The following ZNF536 variants were observed in gnomAD, a reference collection of about 807,000 sequenced individuals.
ZNF536 encodes the protein zinc finger protein 536.
In ZNF536, 13 loss-of-function variants were observed where a neutral mutation model predicts 84.5. The ratio of observed to expected loss-of-function variants is 0.15; its 90% CI spans 0.10 to 0.24. The LOEUF is 0.24. ZNF536 is among the 10% of genes least tolerant of loss of function. The pLI, the probability that ZNF536 is intolerant of heterozygous loss-of-function variation, is 1.00. For missense variants in ZNF536, 1,536 were observed against 1,747.5 expected (o/e 0.88, Z 2.16); for synonymous variants, 811 against 742.5 (o/e 1.09, Z -1.50).
intron 2 of ZNF536, among the ~76,000 whole-genome samples, chr19:30,499,797 C>A (rs1352433495): frequency 2.0e-5 from 3 of 152,334 alleles, no homozygotes; most frequent in African/African-American, 7.2e-5. Flanking sequence ...GACTCATATT[C>A]CTCTTAGCCT....
At position 30,403,906 on chromosome 19, in the gene ZNF536, C is replaced by T. The variant is rs745996306; in HGVS notation, c.-3+31350C>T. On this transcript the variant is annotated intron_variant, in intron 1 of 4. Coordinates refer to ENST00000355537, the MANE Select transcript of ZNF536 (RefSeq NM_014717.3). ...CTCTCAGTGAACATCTGGTGATGAC[C>T]GTAAATGTAATCTCCACTTGGCCGA... Among the ~76,000 whole-genome samples the T allele has an allele frequency of 6.6e-4, 101 of 151,984 alleles. 1 individual carries two copies. The highest frequency in any genetic ancestry group is 5.7e-4 in the Non-Finnish European group (39 of 68,020).
intron 1 of ZNF536, among the ~76,000 whole-genome samples, chr19:30,394,245 T>C (rs112840228): frequency 0.014 from 2,058 of 152,256 alleles, 47 homozygotes; most frequent in African/African-American, 0.047. Flanking sequence ...ATAGAATTGC[T>C]GAAATTTTCT....
In ZNF536 at chr19:30,549,509, T is replaced by C. The variant is rs768745107; in HGVS notation, c.3890T>C (p.Leu1297Ser). 1 of 1,508,144 alleles carries C rather than the reference T, an allele frequency of 6.6e-7. No individual in the cohort carries two copies. The highest frequency in any genetic ancestry group is 2.3e-5 in the Admixed American group (1 of 42,912). The allele number at this position is 1,508,144 out of a possible 1,614,324, so 93.4% of individuals were successfully genotyped here. The change falls in exon 4 of 5, where the codon TTG becomes TCG. Residue 1297 changes from leucine to serine, a missense_variant. Leu to Ser is a moderately radical substitution (Grantham distance 145). This residue lies in a region of ZNF536 where 624 missense variants were observed against 603.1 expected (regional missense o/e 1.03). Transcript: ENST00000355537. Reference sequence around the variant, plus strand: ...TCTGGATGTATCAAGAGGCCAGACTTGTGTGGTAAGTTTTAGAATCCTCTT... The same window carrying C: ...TCTGGATGTATCAAGAGGCCAGACTCGTGTGGTAAGTTTTAGAATCCTCTT... Reference protein sequence around the residue: ...ANSGCIKRPDLCGK With the variant: ...ANSGCIKRPDSCGK
At chr19:30,404,732 GGC>G (rs1568396863) in intron 1 of ZNF536, among the ~76,000 whole-genome samples, 11 of 151,810 alleles carry the variant, frequency 7.2e-5, no homozygotes, top group African/African-American at 2.2e-4. Context: ...AATGTCCGGA[GGC>G]GGGGGGGCTC....
Position 30,548,090 on chromosome 19 carries a change from A to C in ZNF536, c.2471A>C (p.Glu824Ala), listed in dbSNP as rs2146181833. The C allele has an allele frequency of 6.2e-7, 1 of 1,614,144 alleles. No homozygotes were observed. Among genetic ancestry groups the C allele is most frequent in the Non-Finnish European group, 8.5e-7 (1 of 1,180,006 alleles). The change falls in exon 4 of 5, where the codon GAG (glutamate) becomes GCG (alanine). Residue 824 changes from glutamate to alanine, a missense_variant. Around this residue, in one of 8 missense-constraint regions of ZNF536, gnomAD observed 624 missense variants for 603.1 expected, o/e 1.03. Coordinates refer to ENST00000355537, the MANE Select transcript of ZNF536 (RefSeq NM_014717.3). Reference sequence around the variant, plus strand: ...CCCCCAAATCAAGACCACAAGGATGAGATGTCAAGCAAAGCTTCTCTGTTC... The same window carrying C: ...CCCCCAAATCAAGACCACAAGGATGCGATGTCAAGCAAAGCTTCTCTGTTC... Reference protein sequence around the residue: ...GQPPNQDHKDEMSSKASLFIR... With the variant: ...GQPPNQDHKDAMSSKASLFIR...
At chr19:30,352,384 C>T (rs2047959538) in exon 3 of ZNF536, 2 of 152,360 alleles carry the variant, frequency 1.3e-5, no homozygotes, top group Non-Finnish European at 2.9e-5. Flanking sequence ...GGGACGCCCC[C>T]TCTTGCAATC....
intron 1 of ZNF536, among the ~76,000 whole-genome samples, chr19:30,259,379 C>A (rs1311161797): frequency 6.6e-6 from 1 of 152,194 alleles, no homozygotes; most frequent in Non-Finnish European, 1.5e-5. Flanking sequence ...GCAGCGGGTC[C>A]TGAGATGAAC....
Position 30,444,487 on chromosome 19 carries a change from G to T in ZNF536, c.925G>T (p.Ala309Ser), listed in dbSNP as rs2148185743. ...PYKCTLCDFA[A>S]SQEEELISHV... Reference sequence around the variant, plus strand: ...CAAGTGCACGTTGTGCGACTTCGCGGCTTCGCAGGAGGAGGAGCTCATCAG... The same window carrying T: ...CAAGTGCACGTTGTGCGACTTCGCGTCTTCGCAGGAGGAGGAGCTCATCAG... The change falls in exon 2 of 5, where the codon GCT (alanine) becomes TCT (serine). Residue 309 changes from alanine to serine, a missense_variant. Around this residue, in one of 8 missense-constraint regions of ZNF536, gnomAD observed 61 missense variants for 104.0 expected, o/e 0.59. Transcript: ENST00000355537. The T allele has an allele frequency of 6.2e-7, 1 of 1,611,312 alleles. No homozygotes were observed. The highest frequency in any genetic ancestry group is 8.5e-7 in the Non-Finnish European group (1 of 1,179,778).
chr19:30,701,476 GACACACACAAAC>G (rs150455126), intron 1 of ZNF536, among the ~76,000 whole-genome samples: 14 of 118,586 alleles, frequency 1.2e-4, no homozygotes, highest in Non-Finnish European at 1.4e-4. Flanking sequence ...AACACACACA[GACACACACAAAC>G]ACACACACAG....
At chr19:30,694,749 T>C (rs956138811) in intron 1 of ZNF536, among the ~76,000 whole-genome samples, 2 of 152,080 alleles carry the variant, frequency 1.3e-5, no homozygotes, top group Admixed American at 1.3e-4. Context: ...GGAGGGTGAA[T>C]GCATTTATGT....
intron 1 of ZNF536, among the ~76,000 whole-genome samples, chr19:30,661,236 C>A (rs1396477722): frequency 3.9e-5 from 6 of 152,178 alleles, no homozygotes; most frequent in African/African-American, 1.4e-4. Flanking sequence ...TCTTAGGCAA[C>A]CTTGGGTGTG....
At chr19:30,597,865 A>G (rs920916575) in intron 1 of ZNF536, among the ~76,000 whole-genome samples, 2 of 151,140 alleles carry the variant, frequency 1.3e-5, no homozygotes, top group Non-Finnish European at 2.9e-5. Flanking sequence ...GCATGTTGTT[A>G]TTGATATGTG....
At chr19:30,371,730 G>A (rs903823243), upstream of ZNF536, among the ~76,000 whole-genome samples, 49 of 150,954 alleles carry the variant, frequency 3.2e-4, no homozygotes, top group Admixed American at 1.3e-3. Flanking sequence ...AAAAGGCAGC[G>A]GCCCCAAAAG....
At chr19:30,575,725 G>A (rs2046708009) in intron 1 of ZNF536, among the ~76,000 whole-genome samples, 1 of 152,224 alleles carries the variant, frequency 6.6e-6, no homozygotes, top group Non-Finnish European at 1.5e-5. Flanking sequence ...AGTGCCGGGG[G>A]TGCTGCTACT....
chr19:30,322,054 G>T (rs777443301), intron 2 of ZNF536, among the ~76,000 whole-genome samples: 1 of 152,092 alleles, frequency 6.6e-6, no homozygotes, highest in Non-Finnish European at 1.5e-5. Flanking sequence ...GATTACAGGC[G>T]TGAGCCACCA....
At chr19:30,285,320 G>A (rs1377839493) in intron 2 of ZNF536, among the ~76,000 whole-genome samples, 3 of 152,170 alleles carry the variant, frequency 2.0e-5, no homozygotes, top group Non-Finnish European at 4.4e-5. Context: ...GACTGGGCTT[G>A]ATGGGTGAAC....
chr19:30,601,870 G>A (rs890303393), intron 1 of ZNF536, among the ~76,000 whole-genome samples: 5 of 152,164 alleles, frequency 3.3e-5, no homozygotes, highest in Admixed American at 1.3e-4. Context: ...GTATTAGCAG[G>A]ACCCTGAGAC....
At chr19:30,439,251 C>G (rs925789055) in intron 1 of ZNF536, among the ~76,000 whole-genome samples, 1 of 152,202 alleles carries the variant, frequency 6.6e-6, no homozygotes, top group Non-Finnish European at 1.5e-5. Flanking sequence ...TCGAAGGGAC[C>G]TTTCATTGCT....
At chr19:30,657,749 T>C (rs2049968389) in intron 1 of ZNF536, among the ~76,000 whole-genome samples, 1 of 152,164 alleles carries the variant, frequency 6.6e-6, no homozygotes, top group Non-Finnish European at 1.5e-5. Context: ...ACCTCAAACC[T>C]CAAAACTTGC....
Sources: allele counts gnomAD v4.1 joint callset (sites outside exome capture counted in the v4.1 genomes callset), GRCh38; gene constraint gnomAD v4.1.1; regional missense constraint gnomAD v4.1.1; transcripts MANE v1.5; gene names NCBI Gene and HGNC (gene_info 2026-07-23, HGNC 2026-07-21).